The following FAH variants were observed in gnomAD, a reference collection of about 807,000 sequenced individuals.
FAH encodes fumarylacetoacetase.
Under a neutral mutation model 55.8 loss-of-function variants are expected in FAH, and 47 were observed. That is an observed-to-expected ratio of 0.84 (90% CI 0.67 to 1.07). The LOEUF (loss-of-function observed/expected upper bound fraction) is 1.07, where lower values mean the gene tolerates loss of function less well. Among genes scored for constraint, FAH ranks in the 50% least tolerant of loss-of-function variants. The pLI is 0.00. For missense variants in FAH, 495 were observed against 545.9 expected, an observed-to-expected ratio of 0.91 and a Z score of 0.93; for synonymous variants, 199 against 207.7, an observed-to-expected ratio of 0.96 and a Z score of 0.36.
In FAH at chr15:80,175,044, A is replaced by G. The variant is rs748412164; in HGVS notation, c.866A>G (p.His289Arg). 1.2e-5 allele frequency: 20 copies of G among 1,611,436 alleles called. No homozygotes were observed. In the South Asian group the frequency reaches 2.2e-4, roughly 18 times the overall value. ...QDPRPLPYLC[H>R]DEPYTFDINL... ...CCCAGGCCCCTGCCGTATCTGTGCCATGACGAGCCCTACACATTTGACATC... is the reference window on the plus strand; with the variant it reads ...CCCAGGCCCCTGCCGTATCTGTGCCGTGACGAGCCCTACACATTTGACATC... Residue 289 changes from histidine (H) to arginine (R), a missense_variant, in exon 10 of 14, where the codon CAT becomes CGT. By Grantham distance (29) the His-to-Arg change is conservative (BLOSUM62 0). Coordinates refer to ENST00000561421, the MANE Select transcript of FAH (RefSeq NM_000137.4).
intron 7 of FAH, among the ~76,000 whole-genome samples, chr15:80,168,896 A>G (rs1049579413): frequency 2.6e-5 from 4 of 152,214 alleles, no homozygotes; most frequent in Admixed American, 6.5e-5. Flanking sequence ...CCTCAGCTCA[A>G]TGTTCATGAA....
At chr15:80,172,367 A>G (rs1177485674) in intron 8 of FAH, 119 bp downstream of exon 8, 2 of 746,554 alleles carry the variant, frequency 2.7e-6, no homozygotes, top group Non-Finnish European at 4.7e-6. Context: ...GCAGTGACTG[A>G]GAGTGGGGGT....
Position 80,181,169 on chromosome 15 carries a change from G to A in FAH, c.1180+10G>A, listed in dbSNP as rs758464032. On this transcript the variant is annotated intron_variant, in intron 13 of 13. Transcript: ENST00000561421. ...GAAGTCATCATAACAGGTGAGGGCT[G>A]CCAAACCCAGCAGCTCGTCTTCCTC... The A allele has an allele frequency of 6.4e-6, 10 of 1,570,770 alleles. No individual in the cohort carries two copies. In the Admixed American group the frequency reaches 1.3e-4, roughly 21 times the overall value.
rs76054714 is a variant in FAH, at chr15:80,175,533, T to A, written c.913+442T>A. Among the ~76,000 whole-genome samples the A allele has an allele frequency of 8.6e-3, 1,311 of 152,174 alleles. 19 individuals are homozygous for A. Among genetic ancestry groups the A allele is most frequent in the African/African-American group, 0.029 (1,223 of 41,514 alleles). On this transcript the variant is annotated intron_variant, in intron 10 of 13. Transcript: ENST00000561421. Reference sequence around the variant, plus strand: ...CCTGGGGCCACACAGAGCCAGCGCATCAAGACCCCAGATTCCCACCATGGG... The same window carrying A: ...CCTGGGGCCACACAGAGCCAGCGCAACAAGACCCCAGATTCCCACCATGGG...
chr15:80,178,653 G>A (rs1472900875), intron 11 of FAH, among the ~76,000 whole-genome samples: 2 of 150,238 alleles, frequency 1.3e-5, no homozygotes, highest in East Asian at 2.0e-4. Flanking sequence ...GCGCGATCTC[G>A]GCTCACTGCA....
At chr15:80,163,739 CTT>C (rs1172742497) in intron 5 of FAH, 1 of 152,202 alleles carries the variant, frequency 6.6e-6, no homozygotes, top group Non-Finnish European at 1.5e-5. Context: ...TGTGTCTACT[CTT>C]TGACCTGCAA....
At chr15:80,173,218 C>T in intron 9 of FAH, 74 bp downstream of exon 9, 1 of 1,588,482 alleles carries the variant, frequency 6.3e-7, no homozygotes, top group Non-Finnish European at 8.6e-7. Flanking sequence ...ACTGAGTGGA[C>T]ATGCCAGGCA....
At chr15:80,165,515 G>A (rs182463165) in intron 5 of FAH, among the ~76,000 whole-genome samples, 2,338 of 149,714 alleles carry the variant, frequency 0.016, 26 homozygotes, top group East Asian at 0.021. Flanking sequence ...GTGAGAGAGC[G>A]AGACTCCATC....
chr15:80,181,271 C>A, intron 13 of FAH, 112 bp downstream of exon 13: 2 of 743,774 alleles, frequency 2.7e-6, no homozygotes, highest in Admixed American at 3.8e-5. Context: ...CGCATCCTGA[C>A]TCTGCCTCCC....
chr15:80,162,828 A>G, intron 5 of FAH: 1 of 226,300 alleles, frequency 4.4e-6, no homozygotes, highest in Non-Finnish European at 8.9e-6. Context: ...AGACAGGAAA[A>G]TGGGCTCAGA....
At position 80,179,901 on chromosome 15, in the gene FAH, T is replaced by C. The variant is rs2043692; in HGVS notation, c.961-223T>C. Among the ~76,000 whole-genome samples the C allele has an allele frequency of 0.89, 135,165 of 152,010 alleles. 60,368 individuals are homozygous for C. The highest frequency in any genetic ancestry group is 0.97 in the African/African-American group (40,360 of 41,478). ...GGTAGCAGAGGAGCTGAGGTTGGAG[T>C]TTGTGAAGGAGATGGAAGAGCTTGG... On this transcript the variant is annotated intron_variant, in intron 11 of 13. Transcript: ENST00000561421.
chr15:80,176,703 T>C (rs1409766534), intron 10 of FAH, among the ~76,000 whole-genome samples: 3 of 152,260 alleles, frequency 2.0e-5, no homozygotes, highest in Admixed American at 2.0e-4. Flanking sequence ...GTATACTTTC[T>C]ATCTGGTTTT....
At chr15:80,173,216 G>C (rs1164061807) in intron 9 of FAH, 72 bp downstream of exon 9, 3 of 1,598,128 alleles carry the variant, frequency 1.9e-6, no homozygotes, top group Non-Finnish European at 2.6e-6. Context: ...CCACTGAGTG[G>C]ACATGCCAGG....
intron 9 of FAH, chr15:80,173,647 G>T: frequency 1.5e-5 from 4 of 263,624 alleles, no homozygotes; most frequent in East Asian, 9.6e-5. Flanking sequence ...TCAGCCTGTT[G>T]CAATCTGCCC....
In FAH at chr15:80,183,477, C is replaced by T. The variant is rs563148044; in HGVS notation, c.1180+2318C>T. The stretch of plus-strand genomic sequence containing the variant: ...TCCCCGCATTGGCGGACGGCTCTGC[C>T]CTCACCTTCTACGACTTCACTGGTC... On this transcript the variant is annotated intron_variant, in intron 13 of 13. Transcript: ENST00000561421. 9.7e-4 allele frequency among the ~76,000 whole-genome samples: 148 copies of T among 152,286 alleles called. 1 individual carries two copies. The highest frequency in any genetic ancestry group is 3.4e-3 in the Middle Eastern group (1 of 294).
At chr15:80,158,210 C>A in intron 2 of FAH, 40 bp downstream of exon 2, 1 of 1,371,528 alleles carries the variant, frequency 7.3e-7, no homozygotes. Context: ...ACCTCAGTGG[C>A]ACTTACTGTG....
At chr15:80,182,553 T>C (rs57370807) in intron 13 of FAH, among the ~76,000 whole-genome samples, 6,449 of 152,310 alleles carry the variant, frequency 0.042, 454 homozygotes, top group African/African-American at 0.15. Context: ...CTCTCTAATT[T>C]GAATTTGACT....
intron 10 of FAH, 111 bp from the exon 11 acceptor site, chr15:80,177,426 T>C: frequency 2.0e-6 from 2 of 1,016,896 alleles, no homozygotes; most frequent in Non-Finnish European, 3.1e-6. Context: ...AGACTCTAAG[T>C]GAAATCATGT....
In FAH at chr15:80,155,613, T is replaced by C. The variant is rs532413541; in HGVS notation, c.82-2447T>C. Among the ~76,000 whole-genome samples, 3 of 151,718 alleles carry C rather than the reference T, an allele frequency of 2.0e-5. No individual in the cohort carries two copies. In the South Asian group the frequency reaches 6.3e-4, roughly 32 times the overall value. On this transcript the variant is annotated intron_variant, in intron 1 of 13. Coordinates refer to ENST00000561421, the MANE Select transcript of FAH (RefSeq NM_000137.4). ...GAAATAAAGACACAAGACAAAGAGA[T>C]AAAGAGAGAACAGCTGGGCCCGGGG...
Sources: gnomAD v4.1 joint callset for allele counts (sites outside exome capture counted in the v4.1 genomes callset) on GRCh38, gnomAD v4.1.1 for gene constraint, MANE v1.5 for transcripts, NCBI Gene and HGNC (gene_info 2026-07-23, HGNC 2026-07-21) for gene names.